The following SLC8A1 variants were observed in gnomAD, a reference collection of about 807,000 sequenced individuals.
SLC8A1 encodes the protein sodium/calcium exchanger 1.
Under a neutral mutation model 68.3 loss-of-function variants are expected in SLC8A1, and 18 were observed. That is an observed-to-expected ratio of 0.26 (90% CI 0.18 to 0.39). SLC8A1 has a LOEUF of 0.39. Ranked by LOEUF, SLC8A1 falls within the 10% of genes least tolerant of loss-of-function variation. SLC8A1 has a pLI of 1.00. For synonymous variants in SLC8A1, 475 were observed against 415.5 expected (o/e 1.14, Z -1.74); for missense variants, 985 against 1,156.7 (o/e 0.85, Z 2.15).
intron 2 of SLC8A1, among the ~76,000 whole-genome samples, chr2:40,423,092 G>A (rs894930811): frequency 6.6e-6 from 1 of 152,038 alleles, no homozygotes; most frequent in Admixed American, 6.6e-5. Context: ...GATGTATTCA[G>A]GTTGGTTTAA....
At chr2:40,267,897 C>A (rs1294093176) in intron 2 of SLC8A1, among the ~76,000 whole-genome samples, 1 of 152,132 alleles carries the variant, frequency 6.6e-6, no homozygotes, top group East Asian at 1.9e-4. Flanking sequence ...CCTTGAGTAG[C>A]TCCCTCACTG....
At chr2:40,450,273 G>T (rs563427659) in intron 1 of SLC8A1, among the ~76,000 whole-genome samples, 3 of 152,094 alleles carry the variant, frequency 2.0e-5, no homozygotes, top group Admixed American at 6.5e-5. Context: ...TGAAATGAAT[G>T]AAACATCTAG....
chr2:40,300,761 G>T (rs570948095), intron 2 of SLC8A1, among the ~76,000 whole-genome samples: 1 of 152,138 alleles, frequency 6.6e-6, no homozygotes, highest in Non-Finnish European at 1.5e-5. Flanking sequence ...ACCAGCAGCC[G>T]TTGAGAAATT....
chr2:40,200,184 ATATATATT>A (rs1363922300), intron 2 of SLC8A1, among the ~76,000 whole-genome samples: 11 of 23,166 alleles, frequency 4.7e-4, no homozygotes, highest in Non-Finnish European at 7.6e-4. Context: ...ATATATATAT[ATATATATT>A]TATATATATA....
chr2:40,161,012 T>G (rs930322394), intron 5 of SLC8A1, 148 bp from the exon 9 acceptor site: 2 of 612,814 alleles, frequency 3.3e-6, no homozygotes, highest in African/African-American at 3.7e-5. Flanking sequence ...AACACTGTTA[T>G]GATTATGCAA....
At chr2:40,217,534 G>C (rs540445681) in intron 2 of SLC8A1, among the ~76,000 whole-genome samples, 49 of 152,188 alleles carry the variant, frequency 3.2e-4, no homozygotes, top group African/African-American at 1.1e-3. Context: ...TTTTCTTTCT[G>C]TTGTTGTTGT....
At chr2:40,233,330 A>G (rs1333636602) in intron 2 of SLC8A1, among the ~76,000 whole-genome samples, 1 of 152,018 alleles carries the variant, frequency 6.6e-6, no homozygotes, top group Non-Finnish European at 1.5e-5. Context: ...TTTGATTTGC[A>G]TTTCTCTGAT....
At chr2:40,356,799 T>C (rs1321638567) in intron 2 of SLC8A1, among the ~76,000 whole-genome samples, 1 of 152,190 alleles carries the variant, frequency 6.6e-6, no homozygotes, top group East Asian at 1.9e-4. Context: ...AGCTTCCACA[T>C]GCCTTGTTAA....
At chr2:40,417,943 T>G (rs1694364192) in intron 2 of SLC8A1, among the ~76,000 whole-genome samples, 1 of 150,058 alleles carries the variant, frequency 6.7e-6, no homozygotes, top group African/African-American at 2.5e-5. Flanking sequence ...AACTTTAGGG[T>G]CAAAGACCCA....
At chr2:40,473,386 G>T (rs1000233147) in intron 1 of SLC8A1, among the ~76,000 whole-genome samples, 1 of 152,018 alleles carries the variant, frequency 6.6e-6, no homozygotes, top group Non-Finnish European at 1.5e-5. Context: ...TATTTAACCA[G>T]CTAACATCTC....
intron 1 of SLC8A1, among the ~76,000 whole-genome samples, chr2:40,495,063 G>A (rs1048299553): frequency 6.6e-6 from 1 of 151,906 alleles, no homozygotes; most frequent in African/African-American, 2.4e-5. Context: ...GGTGAGGTTT[G>A]GTACTGGGTT....
intron 1 of SLC8A1, among the ~76,000 whole-genome samples, chr2:40,501,065 G>T (rs376056172): frequency 4.6e-5 from 7 of 151,972 alleles, no homozygotes; most frequent in African/African-American, 1.4e-4. Context: ...ATATCAAGTT[G>T]TTCCTACTTC....
chr2:40,115,988 A>G (rs1191197545), intron 7 of SLC8A1, among the ~76,000 whole-genome samples: 2 of 152,174 alleles, frequency 1.3e-5, no homozygotes, highest in Non-Finnish European at 2.9e-5. Context: ...AAGAGTGAGT[A>G]TTGCAAGGTG....
chr2:40,225,452 C>G (rs1401069405), intron 2 of SLC8A1, among the ~76,000 whole-genome samples: 1 of 151,726 alleles, frequency 6.6e-6, no homozygotes. Context: ...CTTGGCTAGA[C>G]AATGGCATTT....
intron 2 of SLC8A1, among the ~76,000 whole-genome samples, chr2:40,266,259 T>C (rs1353009452): frequency 6.6e-6 from 1 of 152,206 alleles, no homozygotes; most frequent in Non-Finnish European, 1.5e-5. Context: ...AGGTCTCCTA[T>C]TCTCCATCTT....
At chr2:40,470,694 A>G (rs568000283) in intron 1 of SLC8A1, among the ~76,000 whole-genome samples, 17 of 152,070 alleles carry the variant, frequency 1.1e-4, no homozygotes, top group African/African-American at 4.1e-4. Context: ...CCCTCAACTG[A>G]TATGTGTGTT....
intron 2 of SLC8A1, chr2:40,213,452 T>C (rs759395491): frequency 1.8e-4 from 28 of 152,126 alleles, no homozygotes; most frequent in Non-Finnish European, 3.8e-4. Flanking sequence ...AGCAACTAAA[T>C]CTTGAGCTTA....
At chr2:40,289,979 T>C (rs760863171) in intron 2 of SLC8A1, among the ~76,000 whole-genome samples, 1 of 151,910 alleles carries the variant, frequency 6.6e-6, no homozygotes, top group Non-Finnish European at 1.5e-5. Flanking sequence ...ATTTTTTAGG[T>C]AGTTGGTGCT....
chr2:40,470,710 A>G (rs181394539), intron 1 of SLC8A1, among the ~76,000 whole-genome samples: 1 of 152,124 alleles, frequency 6.6e-6, no homozygotes, highest in Non-Finnish European at 1.5e-5. Flanking sequence ...GTGTTTGTCA[A>G]CTTCTGGATG....
Sources: gnomAD v4.1 joint callset for allele counts (sites outside exome capture counted in the v4.1 genomes callset) on GRCh38, gnomAD v4.1.1 for gene constraint, MANE v1.5 for transcripts, NCBI Gene and HGNC (gene_info 2026-07-23, HGNC 2026-07-21) for gene names.